The following CADM2 variants were observed in gnomAD, a reference collection of about 807,000 sequenced individuals.
CADM2 encodes the protein cell adhesion molecule 2, also known as immunoglobulin superfamily member 4D.
Under a neutral mutation model 49.8 loss-of-function variants are expected in CADM2, and 12 were observed. That is an observed-to-expected ratio of 0.24 (90% CI 0.15 to 0.39). CADM2 has a LOEUF of 0.39. Ranked by LOEUF, CADM2 falls within the 10% of genes least tolerant of loss-of-function variation. CADM2 has a pLI of 1.00. For missense variants in CADM2, 378 were observed against 492.3 expected (o/e 0.77, Z 2.20); for synonymous variants, 214 against 175.4 (o/e 1.22, Z -1.74).
intron 1 of CADM2, among the ~76,000 whole-genome samples, chr3:85,537,993 C>G (rs1003754976): frequency 2.6e-5 from 4 of 152,082 alleles, no homozygotes; most frequent in African/African-American, 9.7e-5. Flanking sequence ...AAATATCTTG[C>G]AGATGTTTAT....
intron 1 of CADM2, among the ~76,000 whole-genome samples, chr3:85,081,765 G>A (rs1408144261): frequency 6.6e-6 from 1 of 152,106 alleles, no homozygotes. Flanking sequence ...TGCCTGTAAA[G>A]CTGACACGTG....
At chr3:84,989,452 G>A (rs1024868774) in intron 1 of CADM2, among the ~76,000 whole-genome samples, 9 of 151,970 alleles carry the variant, frequency 5.9e-5, no homozygotes, top group Admixed American at 2.6e-4. Context: ...GCTGTTTTTT[G>A]TTCATTTATA....
chr3:85,940,081 G>A (rs1721681355), intron 7 of CADM2, among the ~76,000 whole-genome samples: 1 of 144,418 alleles, frequency 6.9e-6, no homozygotes, highest in African/African-American at 2.6e-5. Flanking sequence ...CACTTTGGGA[G>A]ATGGAGGCAG....
chr3:85,326,478 TA>T (rs1188281994), intron 1 of CADM2, among the ~76,000 whole-genome samples: 1 of 152,302 alleles, frequency 6.6e-6, no homozygotes, highest in East Asian at 1.9e-4. Flanking sequence ...CAAATAACAC[TA>T]TTTTTTTCCA....
intron 8 of CADM2, among the ~76,000 whole-genome samples, chr3:86,035,189 G>T (rs1431794535): frequency 1.3e-5 from 2 of 151,902 alleles, no homozygotes; most frequent in East Asian, 3.9e-4. Flanking sequence ...GTTGTTTTCT[G>T]AGCTCCCTGA....
At chr3:85,308,106 T>G (rs537442255) in intron 1 of CADM2, among the ~76,000 whole-genome samples, 1 of 151,970 alleles carries the variant, frequency 6.6e-6, no homozygotes, top group East Asian at 1.9e-4. Context: ...TTTATTTTAG[T>G]GTCTGTTAGT....
At chr3:85,467,102 A>G (rs1451410379) in intron 1 of CADM2, among the ~76,000 whole-genome samples, 1 of 152,182 alleles carries the variant, frequency 6.6e-6, no homozygotes, top group African/African-American at 2.4e-5. Flanking sequence ...CCCTATGTTG[A>G]CTACAAGAGA....
intron 6 of CADM2, among the ~76,000 whole-genome samples, chr3:85,913,051 A>G (rs1717839180): frequency 6.6e-6 from 1 of 152,200 alleles, no homozygotes; most frequent in African/African-American, 2.4e-5. Flanking sequence ...ATAAGAACAA[A>G]ATTAATTTTG....
intron 2 of CADM2, among the ~76,000 whole-genome samples, chr3:85,760,199 C>T (rs980098050): frequency 2.6e-5 from 4 of 152,056 alleles, no homozygotes; most frequent in African/African-American, 9.7e-5. Flanking sequence ...ATCAAATGTA[C>T]ACATTGGGAA....
At chr3:85,785,330 C>G in intron 2 of CADM2, among the ~76,000 whole-genome samples, 1 of 151,940 alleles carries the variant, frequency 6.6e-6, no homozygotes, top group East Asian at 1.9e-4. Flanking sequence ...TCAGTTTGTA[C>G]TTGCTTTTCT....
chr3:85,149,165 G>C (rs1179381698), intron 1 of CADM2, among the ~76,000 whole-genome samples: 1 of 151,334 alleles, frequency 6.6e-6, no homozygotes, highest in Non-Finnish European at 1.5e-5. Flanking sequence ...TTTAAATAAG[G>C]TTGCCATGGT....
At chr3:85,616,572 C>A (rs1013586708) in intron 1 of CADM2, among the ~76,000 whole-genome samples, 2 of 152,076 alleles carry the variant, frequency 1.3e-5, no homozygotes, top group East Asian at 1.9e-4. Flanking sequence ...GATGCAGACA[C>A]AAAGTATAAC....
intron 2 of CADM2, among the ~76,000 whole-genome samples, chr3:85,801,390 G>A (rs1019759985): frequency 6.6e-6 from 1 of 151,972 alleles, no homozygotes; most frequent in African/African-American, 2.4e-5. Context: ...CTACAGAAAG[G>A]AACAAAGAAG....
intron 1 of CADM2, among the ~76,000 whole-genome samples, chr3:85,079,104 A>G (rs2037061254): frequency 1.3e-5 from 2 of 151,900 alleles, no homozygotes; most frequent in Admixed American, 1.3e-4. Context: ...ATTAATTTTT[A>G]TTATCTAAAA....
chr3:85,496,068 G>T (rs2039878512), intron 1 of CADM2, among the ~76,000 whole-genome samples: 1 of 151,926 alleles, frequency 6.6e-6, no homozygotes, highest in South Asian at 2.1e-4. Context: ...TTTTATACTG[G>T]GTTCAGGGGT....
chr3:85,211,988 T>C (rs1176376942), intron 1 of CADM2, among the ~76,000 whole-genome samples: 1 of 152,162 alleles, frequency 6.6e-6, no homozygotes, highest in Non-Finnish European at 1.5e-5. Context: ...TCTACAACTG[T>C]CATATCCTCT....
chr3:85,954,625 T>C (rs987574582), intron 7 of CADM2, among the ~76,000 whole-genome samples: 21 of 151,224 alleles, frequency 1.4e-4, no homozygotes, highest in East Asian at 1.4e-3. Flanking sequence ...CGTTTAGAGA[T>C]GTAATCTCAG....
chr3:85,154,961 A>G (rs1412581597), intron 1 of CADM2, among the ~76,000 whole-genome samples: 4 of 152,026 alleles, frequency 2.6e-5, no homozygotes, highest in African/African-American at 9.7e-5. Flanking sequence ...GAAAGGAACA[A>G]CCGGTACCAG....
chr3:85,559,841 G>A (rs1427398588), intron 1 of CADM2, among the ~76,000 whole-genome samples: 2 of 151,984 alleles, frequency 1.3e-5, no homozygotes, highest in East Asian at 3.9e-4. Context: ...GACTGGTTTT[G>A]GAATGATGTT....
Sources: allele counts gnomAD v4.1 joint callset (sites outside exome capture counted in the v4.1 genomes callset), GRCh38; gene constraint gnomAD v4.1.1; transcripts MANE v1.5; gene names NCBI Gene and HGNC (gene_info 2026-07-23, HGNC 2026-07-21).